Variants in WWOX observed in about 807,000 individuals in gnomAD.
The protein encoded by WWOX is WW domain containing oxidoreductase, also known as WW domain-containing oxidoreductase.
WWOX carries 69 observed loss-of-function variants against 46.2 expected under a neutral mutation model. That is an observed-to-expected ratio of 1.49 (90% CI 1.23 to 1.82). The LOEUF is 1.82. Among genes scored for constraint, WWOX ranks in the 40% most tolerant of loss-of-function variants. WWOX has a pLI of 0.00. For missense variants in WWOX, 919 were observed against 542.6 expected (o/e 1.69, Z -6.89); for synonymous variants, 359 against 202.6 (o/e 1.77, Z -6.56).
intron 8 of WWOX, among the ~76,000 whole-genome samples, chr16:78,685,940 A>G (rs1482922441): frequency 6.6e-6 from 1 of 151,964 alleles, no homozygotes; most frequent in Non-Finnish European, 1.5e-5. Flanking sequence ...GTAGGGAGGG[A>G]GGAGAGACAT....
At chr16:78,531,058 A>T (rs2043609642) in intron 8 of WWOX, among the ~76,000 whole-genome samples, 1 of 152,168 alleles carries the variant, frequency 6.6e-6, no homozygotes, top group African/African-American at 2.4e-5. Flanking sequence ...TGTTTTATTA[A>T]TGCTGATTAC....
intron 6 of WWOX, among the ~76,000 whole-genome samples, chr16:78,402,848 G>A (rs747809629): frequency 9.9e-5 from 15 of 151,728 alleles, no homozygotes; most frequent in Non-Finnish European, 1.2e-4. Context: ...GGGTCTGGTT[G>A]CTTTACAGCT....
chr16:78,154,243 C>T (rs529519283), intron 4 of WWOX, among the ~76,000 whole-genome samples: 4 of 152,250 alleles, frequency 2.6e-5, no homozygotes, highest in South Asian at 2.1e-4. Flanking sequence ...GAGGGCACCT[C>T]GTCCATTTCT....
intron 8 of WWOX, among the ~76,000 whole-genome samples, chr16:78,539,118 CTGTCTGTAGGCCTTTAATGA>C (rs1283532895): frequency 1.3e-5 from 2 of 152,212 alleles, no homozygotes; most frequent in Non-Finnish European, 2.9e-5. Context: ...TTGTGCCTGC[CTGTCTGTAGGCCTTTAATGA>C]TGTTTTATTG....
intron 8 of WWOX, among the ~76,000 whole-genome samples, chr16:78,703,660 A>G (rs143465992): frequency 6.6e-6 from 1 of 152,052 alleles, no homozygotes; most frequent in East Asian, 1.9e-4. Context: ...TTTTTTTGGA[A>G]AAAGAAAGAA....
At chr16:78,906,321 A>G (rs923985969) in intron 8 of WWOX, among the ~76,000 whole-genome samples, 2 of 152,140 alleles carry the variant, frequency 1.3e-5, no homozygotes, top group Non-Finnish European at 2.9e-5. Flanking sequence ...GAATAAGATG[A>G]CTTTGTTACT....
chr16:79,057,818 C>A (rs766499937), intron 8 of WWOX, among the ~76,000 whole-genome samples: 5 of 152,140 alleles, frequency 3.3e-5, no homozygotes, highest in Non-Finnish European at 7.3e-5. Context: ...GCCATATTGC[C>A]AAGTTCCGCT....
At chr16:78,936,526 A>G (rs2045741257) in intron 8 of WWOX, among the ~76,000 whole-genome samples, 1 of 152,152 alleles carries the variant, frequency 6.6e-6, no homozygotes. Flanking sequence ...AACTCATGCC[A>G]GTGGTAAAGT....
At chr16:78,724,933 C>A (rs183153850) in intron 8 of WWOX, among the ~76,000 whole-genome samples, 1 of 152,098 alleles carries the variant, frequency 6.6e-6, no homozygotes, top group African/African-American at 2.4e-5. Flanking sequence ...ATTCCAGGTA[C>A]GTAGCAGGTA....
At chr16:78,591,738 C>T (rs778388459) in intron 8 of WWOX, among the ~76,000 whole-genome samples, 1 of 152,208 alleles carries the variant, frequency 6.6e-6, no homozygotes, top group Admixed American at 6.5e-5. Flanking sequence ...TGAGTAACTG[C>T]TCTCTGAAGG....
At chr16:78,643,660 T>C (rs1007098101) in intron 8 of WWOX, among the ~76,000 whole-genome samples, 1 of 152,120 alleles carries the variant, frequency 6.6e-6, no homozygotes, top group African/African-American at 2.4e-5. Flanking sequence ...TGGCTCCTAA[T>C]AATGGCCCCG....
intron 8 of WWOX, among the ~76,000 whole-genome samples, chr16:78,985,044 C>A (rs1370572093): frequency 6.6e-6 from 1 of 152,180 alleles, no homozygotes; most frequent in Admixed American, 6.5e-5. Flanking sequence ...CTTGCCCCCT[C>A]CACCCCGCTC....
At chr16:78,503,159 CTATT>C (rs2085111688) in intron 8 of WWOX, among the ~76,000 whole-genome samples, 1 of 152,158 alleles carries the variant, frequency 6.6e-6, no homozygotes, top group Non-Finnish European at 1.5e-5. Context: ...CTGAGAATCT[CTATT>C]TATGTCTGAC....
chr16:78,957,934 T>G (rs2046201201), intron 8 of WWOX, among the ~76,000 whole-genome samples: 1 of 152,224 alleles, frequency 6.6e-6, no homozygotes. Flanking sequence ...CAATTCACTG[T>G]CACCACATCA....
chr16:78,190,295 C>T (rs1402159475), intron 5 of WWOX, among the ~76,000 whole-genome samples: 10 of 152,122 alleles, frequency 6.6e-5, no homozygotes, highest in Non-Finnish European at 1.3e-4. Flanking sequence ...CACAGGGAGA[C>T]AGTAAGAAAG....
chr16:78,556,018 A>T (rs2044286160), intron 8 of WWOX, among the ~76,000 whole-genome samples: 1 of 152,138 alleles, frequency 6.6e-6, no homozygotes, highest in Non-Finnish European at 1.5e-5. Flanking sequence ...AAGAACTGTG[A>T]GAGATGGAGG....
At chr16:79,172,066 C>A (rs1185280108) in intron 8 of WWOX, among the ~76,000 whole-genome samples, 1 of 152,166 alleles carries the variant, frequency 6.6e-6, no homozygotes, top group Non-Finnish European at 1.5e-5. Flanking sequence ...TTGGGATCCT[C>A]CCCTGTGTTA....
At chr16:78,187,873 G>A (rs35990854) in intron 5 of WWOX, among the ~76,000 whole-genome samples, 76,229 of 152,014 alleles carry the variant, frequency 0.5, 19,825 homozygotes, top group African/African-American at 0.63. Context: ...GAGAAAGGTA[G>A]ATGCGGTGGG....
chr16:78,819,040 G>T (rs181692645), intron 8 of WWOX, among the ~76,000 whole-genome samples: 1 of 152,174 alleles, frequency 6.6e-6, no homozygotes, highest in Admixed American at 6.5e-5. Flanking sequence ...AAATGGAAAC[G>T]ATAACGGCGA....
Sources: gnomAD v4.1 joint callset for allele counts (sites outside exome capture counted in the v4.1 genomes callset) on GRCh38, gnomAD v4.1.1 for gene constraint, MANE v1.5 for transcripts, NCBI Gene and HGNC (gene_info 2026-07-23, HGNC 2026-07-21) for gene names.